CNOT4: variants seen among roughly 807,000 people sequenced by gnomAD.
CNOT4 encodes CCR4-NOT transcription complex subunit 4.
In CNOT4, 8 loss-of-function variants were observed where a neutral mutation model predicts 73.8. The ratio of observed to expected loss-of-function variants is 0.11; its 90% CI spans 0.06 to 0.20. The LOEUF (loss-of-function observed/expected upper bound fraction) is 0.20. Ranked by LOEUF, CNOT4 falls within the 10% of genes least tolerant of loss-of-function variation. CNOT4 has a pLI of 1.00. For missense variants in CNOT4, 564 were observed against 883.4 expected, an observed-to-expected ratio of 0.64 and a Z score of 4.58; for synonymous variants, 293 against 321.1, an observed-to-expected ratio of 0.91 and a Z score of 0.94.
chr7:135,368,162 T>C (rs1268007616), intron 10 of CNOT4, among the ~76,000 whole-genome samples: 2 of 152,128 alleles, frequency 1.3e-5, no homozygotes, highest in African/African-American at 4.8e-5. Flanking sequence ...GTGTAAGAAG[T>C]ATCAGTATAC....
Position 135,478,139 on chromosome 7 carries a change from A to G in CNOT4, c.-93+31750T>C, listed in dbSNP as rs370217660. On this transcript the variant is annotated intron_variant, in intron 1 of 11. Coordinates refer to ENST00000541284, the MANE Select transcript of CNOT4 (RefSeq NM_001190850.2). ...AATTCTTAATTTGTCTTTCATGATG[A>G]TATTTCACACTCTTATTTGAATGAA... 5.3e-5 allele frequency among the ~76,000 whole-genome samples: 8 copies of G among 152,144 alleles called. No individual in the cohort carries two copies. The East Asian group carries it at 1.5e-3, about 29-fold the overall frequency.
chr7:135,398,265 G>T, intron 7 of CNOT4, 39 bp from the exon 8 acceptor site: 1 of 1,021,592 alleles, frequency 9.8e-7, no homozygotes, highest in Non-Finnish European at 1.5e-6. Flanking sequence ...TCAGAATATA[G>T]TCATTCTCCT....
chr7:135,483,012 A>G (rs1359754804), intron 1 of CNOT4, among the ~76,000 whole-genome samples: 2 of 148,088 alleles, frequency 1.4e-5, no homozygotes, highest in African/African-American at 5.0e-5. Context: ...AAAAAAAAGT[A>G]GATGAAAAAT....
At chr7:135,436,955 G>A (rs546905033) in intron 2 of CNOT4, among the ~76,000 whole-genome samples, 72 of 152,136 alleles carry the variant, frequency 4.7e-4, no homozygotes, top group Non-Finnish European at 7.8e-4. Context: ...AGAAAATAAA[G>A]TTTAAATTAT....
chr7:135,379,743 G>A (rs1795733247), intron 10 of CNOT4, among the ~76,000 whole-genome samples: 1 of 151,932 alleles, frequency 6.6e-6, no homozygotes, highest in Admixed American at 6.6e-5. Flanking sequence ...TCATAACCCA[G>A]GCAATCTTTT....
Position 135,395,631 on chromosome 7 carries a change from T to G in CNOT4, c.1129+3A>C. The G allele has an allele frequency of 6.2e-7, 1 of 1,613,504 alleles. No homozygotes were observed. The highest frequency in any genetic ancestry group is 8.5e-7 in the Non-Finnish European group (1 of 1,179,560). On this transcript the variant is annotated splice_donor_region_variant and intron_variant, in intron 9 of 11. Coordinates refer to ENST00000541284, the MANE Select transcript of CNOT4 (RefSeq NM_001190850.2). Reference sequence around the variant, plus strand: ...ACTAATACTTGGTACTATTGTTATATACCTGATGTGAAGAGGCTCTGTGGT... The same window carrying G: ...ACTAATACTTGGTACTATTGTTATAGACCTGATGTGAAGAGGCTCTGTGGT...
At chr7:135,423,456 T>C (rs1193079886) in intron 2 of CNOT4, among the ~76,000 whole-genome samples, 10 of 151,218 alleles carry the variant, frequency 6.6e-5, no homozygotes, top group Non-Finnish European at 4.4e-5. Flanking sequence ...CCTCCATCTC[T>C]TCATATATAA....
At chr7:135,503,280 C>T (rs942258017) in intron 1 of CNOT4, among the ~76,000 whole-genome samples, 1 of 152,022 alleles carries the variant, frequency 6.6e-6, no homozygotes, top group Non-Finnish European at 1.5e-5. Flanking sequence ...CCCTGGGCAA[C>T]AGGGTGAGCC....
intron 1 of CNOT4, among the ~76,000 whole-genome samples, chr7:135,448,131 T>C (rs527498875): frequency 7.2e-5 from 11 of 152,086 alleles, no homozygotes; most frequent in African/African-American, 2.7e-4. Context: ...ACTAAACAAA[T>C]AAGCAAATAA....
chr7:135,485,282 G>C (rs2129487440), intron 1 of CNOT4, among the ~76,000 whole-genome samples: 1 of 152,256 alleles, frequency 6.6e-6, no homozygotes, highest in South Asian at 2.1e-4. Flanking sequence ...ATGTTGGCCA[G>C]GATAGTCTTG....
chr7:135,434,531 C>T (rs1409377589), intron 2 of CNOT4, among the ~76,000 whole-genome samples: 1 of 152,216 alleles, frequency 6.6e-6, no homozygotes, highest in Non-Finnish European at 1.5e-5. Context: ...TCTTAGACCT[C>T]TGTAATCTGG....
At chr7:135,432,477 C>T (rs1039639756) in intron 2 of CNOT4, among the ~76,000 whole-genome samples, 11 of 152,220 alleles carry the variant, frequency 7.2e-5, no homozygotes, top group South Asian at 4.1e-4. Flanking sequence ...AAAATGGTCT[C>T]ACAAGACATT....
At position 135,363,203 on chromosome 7, in the gene CNOT4, A is replaced by G; in HGVS notation, c.1841-17T>C. Reference sequence around the variant, plus strand: ...CTGGAATACCTAAGGAGAGAAAAGAAAAAAGAGGGAAAATGGTGAGTTTGT... The same window carrying G: ...CTGGAATACCTAAGGAGAGAAAAGAGAAAAGAGGGAAAATGGTGAGTTTGT... On this transcript the variant is annotated splice_polypyrimidine_tract_variant and intron_variant, in intron 11 of 11. Coordinates refer to ENST00000541284, the MANE Select transcript of CNOT4 (RefSeq NM_001190850.2). The surrounding 1 kb of genome is among the most constrained non-coding windows in gnomAD (Gnocchi z 4.3). 6.2e-7 allele frequency: 1 copy of G among 1,610,016 alleles called. No individual in the cohort carries two copies. The highest frequency in any genetic ancestry group is 2.2e-5 in the East Asian group (1 of 44,886).
rs868728079 is a variant in CNOT4, at chr7:135,504,480, T to A, written c.-93+5409A>T. On this transcript the variant is annotated intron_variant, in intron 1 of 11. Transcript: ENST00000541284. ...CCGGCTAATTTTTTTTTTTTTTTTT[T>A]TTTTTTTTTATTTTTATTTTTTTTG... is the stretch of plus-strand genomic sequence containing the variant. Among the ~76,000 whole-genome samples, 15 of 56,654 alleles carry A rather than the reference T, an allele frequency of 2.6e-4. 2 individuals carry two copies. Among genetic ancestry groups the A allele is most frequent in the Non-Finnish European group, 4.6e-4 (13 of 28,280 alleles). The allele number at this position is 56,654 out of a possible 152,430, so 37.2% of individuals were successfully genotyped here.
intron 10 of CNOT4, among the ~76,000 whole-genome samples, chr7:135,378,884 T>C (rs1452219950): frequency 3.3e-5 from 5 of 150,118 alleles, no homozygotes; most frequent in African/African-American, 9.8e-5. Flanking sequence ...ACTTGGAGGG[T>C]TGAGGTGGGA....
chr7:135,472,463 C>T (rs1467869621), intron 1 of CNOT4, among the ~76,000 whole-genome samples: 2 of 95,576 alleles, frequency 2.1e-5, no homozygotes, highest in Non-Finnish European at 3.8e-5. Context: ...GGCGACAGAG[C>T]GAGACACCGA....
Position 135,387,127 on chromosome 7 carries a change from T to C in CNOT4, c.1627+6791A>G, listed in dbSNP as rs201026717. 4 of 978,964 alleles carry C rather than the reference T, an allele frequency of 4.1e-6. 1 individual carries two copies. The East Asian group carries it at 4.5e-4, about 111-fold the overall frequency. The allele number at this position is 978,964 out of a possible 1,614,324, so 60.6% of individuals were successfully genotyped here. ...TGAAAACCATAATTAAATTAAGCTA[T>C]AGTAAAAGACTGATAATAAGTCTAC... On this transcript the variant is annotated intron_variant, in intron 10 of 11. Transcript: ENST00000541284.
At chr7:135,451,591 C>A (rs1161839780) in intron 1 of CNOT4, among the ~76,000 whole-genome samples, 1 of 152,128 alleles carries the variant, frequency 6.6e-6, no homozygotes, top group Non-Finnish European at 1.5e-5. Flanking sequence ...CCACACCCAG[C>A]CAACTGTTTT....
intron 1 of CNOT4, among the ~76,000 whole-genome samples, chr7:135,506,787 G>T (rs1356086945): frequency 2.0e-5 from 3 of 151,830 alleles, no homozygotes; most frequent in Non-Finnish European, 4.4e-5. Context: ...GGCAGAGGTT[G>T]CAGTGAGCCA....
Sources: gnomAD v4.1 joint callset for allele counts (sites outside exome capture counted in the v4.1 genomes callset) on GRCh38, gnomAD v4.1.1 for gene constraint, Gnocchi (gnomAD v3.1) non-coding constraint, MANE v1.5 for transcripts, NCBI Gene and HGNC (gene_info 2026-07-23, HGNC 2026-07-21) for gene names.